Variants in ABITRAM observed in about 807,000 individuals in gnomAD.
The protein encoded by ABITRAM is actin binding transcription modulator.
In ABITRAM, 19 loss-of-function variants were observed where a neutral mutation model predicts 22.9. The ratio of observed to expected loss-of-function variants is 0.83; its 90% CI spans 0.58 to 1.22. ABITRAM has a LOEUF of 1.22. ABITRAM is among the 50% of genes most tolerant of loss of function. ABITRAM has a pLI of 0.00. For synonymous variants in ABITRAM, 70 were observed against 73.9 expected (o/e 0.95, Z 0.27); for missense variants, 215 against 220.2 (o/e 0.98, Z 0.15).
chr9:108,934,436 G>A lies in ABITRAM; in HGVS notation c.-51G>A. The A allele has an allele frequency of 2.0e-6, 3 of 1,519,916 alleles. No individual in the cohort carries two copies. Among genetic ancestry groups the A allele is most frequent in the Non-Finnish European group, 2.7e-6 (3 of 1,124,194 alleles). The allele number at this position is 1,519,916 out of a possible 1,614,324, so 94.2% of individuals were successfully genotyped here. A position where few individuals can be genotyped will look rare whatever the true frequency, so the allele number is the denominator to read the frequency against. ...GAGCACGCCCAGTCCGGGCTGCGCG[G>A]AGGAAGCGCTGGGGTCCCGGAGGGC... On this transcript the variant is annotated 5_prime_UTR_variant, in exon 1 of 6. Transcript: ENST00000322940.
intron 3 of ABITRAM, among the ~76,000 whole-genome samples, chr9:108,950,070 A>G (rs2132088904): frequency 6.6e-6 from 1 of 151,862 alleles, no homozygotes; most frequent in African/African-American, 2.4e-5. Flanking sequence ...TGAACCCTTC[A>G]TTTGGGAATA....
downstream of ABITRAM, chr9:108,942,738 G>C (rs770908840): frequency 2.3e-5 from 30 of 1,308,688 alleles, no homozygotes; most frequent in East Asian, 6.9e-4. Flanking sequence ...TTCATCACAT[G>C]ATGTTCCAGA....
chr9:108,935,914 A>G lies in ABITRAM; in HGVS notation c.131+225A>G, dbSNP rs902568365. ...ATAAATTTGATTACTCAAACATCCA[A>G]ATGGAGGACCACATCATCAGCTGCT... is the stretch of plus-strand genomic sequence containing the variant. On this transcript the variant is annotated intron_variant, in intron 2 of 5. Transcript: ENST00000322940. 7 of 552,948 alleles carry G rather than the reference A, an allele frequency of 1.3e-5. 1 individual carries two copies. Among genetic ancestry groups the G allele is most frequent in the South Asian group, 4.3e-5 (2 of 46,892 alleles). The allele number at this position is 552,948 out of a possible 1,614,324, so 34.3% of individuals were successfully genotyped here. A position where few individuals can be genotyped will look rare whatever the true frequency, so the allele number is the denominator to read the frequency against.
At chr9:108,943,930 C>T (rs761499232), downstream of ABITRAM, 13 of 1,609,502 alleles carry the variant, frequency 8.1e-6, no homozygotes, top group Non-Finnish European at 1.0e-5. Context: ...CATAATACCA[C>T]CACCAGCTCC....
Position 108,939,599 on chromosome 9 carries a change from TA to T in ABITRAM, c.463del (p.Ser155AlafsTer2). On this transcript the variant is annotated frameshift_variant, in exon 6 of 6. Coordinates refer to ENST00000322940, the MANE Select transcript of ABITRAM (RefSeq NM_017832.4). LOFTEE classifies it high-confidence loss of function. ...TTGTGTTACCCAAATTTGAAGAAAGTAAAAGCATAACAGAAGGGTTACTGAC... is the reference window on the plus strand; with the variant it reads ...TTGTGTTACCCAAATTTGAAGAAAGTAAAGCATAACAGAAGGGTTACTGAC... ...AVVLPKFEES[K>X]SITEGLLTQK... 1 of 1,613,986 alleles carries T rather than the reference TA, an allele frequency of 6.2e-7. No individual in the cohort carries two copies. The highest frequency in any genetic ancestry group is 8.5e-7 in the Non-Finnish European group (1 of 1,179,950).
At chr9:108,949,827 G>C (rs1421774121) in intron 3 of ABITRAM, among the ~76,000 whole-genome samples, 1 of 152,018 alleles carries the variant, frequency 6.6e-6, no homozygotes, top group Non-Finnish European at 1.5e-5. Flanking sequence ...CTGGGTGACA[G>C]AGCAAGACTC....
intron 3 of ABITRAM, among the ~76,000 whole-genome samples, chr9:108,938,756 GT>G (rs1363279250): frequency 6.6e-6 from 1 of 150,890 alleles, no homozygotes; most frequent in Non-Finnish European, 1.5e-5. Context: ...TGGTAAATAA[GT>G]TCCTTTATCT....
At chr9:108,943,086 T>A (rs1564117337), downstream of ABITRAM, 7 of 1,511,938 alleles carry the variant, frequency 4.6e-6, no homozygotes, top group Non-Finnish European at 6.3e-6. Context: ...CTAAAAGTAG[T>A]ACTTAAAAGA....
Position 108,935,697 on chromosome 9 carries a change from A to G in ABITRAM, c.131+8A>G. 1.9e-6 allele frequency: 3 copies of G among 1,610,948 alleles called. No homozygotes were observed. On this transcript the variant is annotated splice_region_variant and intron_variant, in intron 2 of 5. Transcript: ENST00000322940. ...ACTACAGCACTCTAACCGGTAAGCA[A>G]ATTGGGAATTTTAAATTATCAAAAA...
chr9:108,943,840 T>A, downstream of ABITRAM: 1 of 1,609,952 alleles, frequency 6.2e-7, no homozygotes, highest in Non-Finnish European at 8.5e-7. Flanking sequence ...TAACAAGTTA[T>A]AACAGCCCGC....
chr9:108,946,579 G>A (rs767860546), intron 3 of ABITRAM, among the ~76,000 whole-genome samples: 6 of 152,052 alleles, frequency 3.9e-5, no homozygotes, highest in Non-Finnish European at 7.4e-5. Context: ...TATTCTAGTC[G>A]TACGTGATTT....
At chr9:108,942,956 C>G (rs1345182421), downstream of ABITRAM, 1 of 1,611,284 alleles carries the variant, frequency 6.2e-7, no homozygotes, top group Non-Finnish European at 8.5e-7. Flanking sequence ...GAAAAACTAC[C>G]TCACCTTCTT....
exon 4 of ABITRAM, chr9:108,950,744 T>G: frequency 9.9e-7 from 1 of 1,006,138 alleles, no homozygotes; most frequent in Non-Finnish European, 1.4e-6. Context: ...CATTAACCCT[T>G]TCTTTTCTCC....
intron 3 of ABITRAM, among the ~76,000 whole-genome samples, chr9:108,949,786 G>C (rs1307697666): frequency 6.6e-6 from 1 of 152,208 alleles, no homozygotes; most frequent in Non-Finnish European, 1.5e-5. Flanking sequence ...GGAAATTGCA[G>C]TGAGCCGAGA....
chr9:108,942,938 C>T (rs370736818), downstream of ABITRAM: 23 of 1,610,264 alleles, frequency 1.4e-5, no homozygotes, highest in African/African-American at 2.7e-4. Flanking sequence ...AAGTATGAGT[C>T]TAAAATAGAA....
At position 108,939,256 on chromosome 9, in the gene ABITRAM, G is replaced by C; in HGVS notation, c.322G>C (p.Glu108Gln). Residue 108 changes from glutamate (E) to glutamine (Q), a missense_variant, in exon 4 of 6, where the codon GAA (glutamate) becomes CAA (glutamine). Transcript: ENST00000322940. ...LCKIYCSDGE[E>Q]YTVSSCVRGR... The stretch of plus-strand genomic sequence containing the variant: ...TAAGATTTACTGCTCAGATGGTGAA[G>C]AATATACTGTGTCTAGGTGAGTAAC... The C allele has an allele frequency of 1.2e-6, 2 of 1,613,960 alleles. No homozygotes were observed. The highest frequency in any genetic ancestry group is 1.7e-6 in the Non-Finnish European group (2 of 1,179,938).
chr9:108,939,120 A>G (rs1338998614), intron 3 of ABITRAM, 76 bp from the exon 4 acceptor site: 6 of 1,205,458 alleles, frequency 5.0e-6, no homozygotes, highest in South Asian at 1.3e-5. Flanking sequence ...ACATCCTGTT[A>G]TACACCTAAG....
At position 108,934,450 on chromosome 9, in the gene ABITRAM, G is replaced by A. The variant is rs1174578344; in HGVS notation, c.-37G>A. ...CGGGCTGCGCGGAGGAAGCGCTGGG[G>A]TCCCGGAGGGCGGGGGTGGCGGCGC... On this transcript the variant is annotated 5_prime_UTR_variant, in exon 1 of 6. Transcript: ENST00000322940. 3.8e-6 allele frequency: 6 copies of A among 1,564,740 alleles called. No homozygotes were observed. The Admixed American group carries it at 9.2e-5, about 24-fold the overall frequency.
chr9:108,945,904 C>T (rs911887834), downstream of ABITRAM, among the ~76,000 whole-genome samples: 1 of 152,098 alleles, frequency 6.6e-6, no homozygotes, highest in Non-Finnish European at 1.5e-5. Context: ...ACAAAATGCT[C>T]GATTTCCACC....
Sources: gnomAD v4.1 joint callset for allele counts (sites outside exome capture counted in the v4.1 genomes callset) on GRCh38, gnomAD v4.1.1 for gene constraint, MANE v1.5 for transcripts, NCBI Gene and HGNC (gene_info 2026-07-23, HGNC 2026-07-21) for gene names.